SBF2: variants seen among roughly 807,000 people sequenced by gnomAD.
SBF2 encodes myotubularin-related protein 13.
Under a neutral mutation model 225.2 loss-of-function variants are expected in SBF2, and 112 were observed. The ratio of observed to expected loss-of-function variants is 0.50; its 90% CI spans 0.43 to 0.58. The LOEUF is 0.58. Ranked by LOEUF, SBF2 falls within the 20% of genes least tolerant of loss-of-function variation. The probability of loss-of-function intolerance (pLI) is 0.00; values close to 1 mark genes in which losing one functional copy is unlikely to be tolerated. For missense variants in SBF2, 1,996 were observed against 2,206.2 expected (o/e 0.90, Z 1.91); for synonymous variants, 763 against 773.3 (o/e 0.99, Z 0.22).
At chr11:9,939,775 T>C (rs1399556764) in intron 16 of SBF2, among the ~76,000 whole-genome samples, 1 of 152,122 alleles carries the variant, frequency 6.6e-6, no homozygotes, top group Admixed American at 6.5e-5. Context: ...AAGACGTATA[T>C]ACAAGGATGT....
intron 26 of SBF2, among the ~76,000 whole-genome samples, chr11:9,834,375 CTTT>C (rs1855608933): frequency 6.6e-6 from 1 of 152,086 alleles, no homozygotes; most frequent in African/African-American, 2.4e-5. Context: ...TCATGCTATC[CTTT>C]TTTATGTGTA....
At chr11:9,867,277 T>C (rs1240771621) in intron 17 of SBF2, among the ~76,000 whole-genome samples, 1 of 151,940 alleles carries the variant, frequency 6.6e-6, no homozygotes, top group Non-Finnish European at 1.5e-5. Context: ...CCACAAAAAT[T>C]ACAAATTAAA....
upstream of SBF2, among the ~76,000 whole-genome samples, chr11:10,299,134 C>T (rs530022754): frequency 5.0e-4 from 76 of 152,012 alleles, no homozygotes; most frequent in African/African-American, 1.7e-3. Flanking sequence ...GTCAGCAGAT[C>T]GAGATCATCC....
chr11:9,807,892 CAG>C, intron 32 of SBF2, 106 bp downstream of exon 32: 1 of 992,416 alleles, frequency 1.0e-6, no homozygotes, highest in South Asian at 1.4e-5. Flanking sequence ...CTGAGTTAAT[CAG>C]AGTTATGACA....
At chr11:10,284,476 TCTTC>T (rs2135568100) in intron 1 of SBF2, among the ~76,000 whole-genome samples, 1 of 152,340 alleles carries the variant, frequency 6.6e-6, no homozygotes, top group East Asian at 1.9e-4. Context: ...ATTCCATGTA[TCTTC>T]CTTAACTACC....
At chr11:10,071,814 G>A (rs1295832234) in intron 2 of SBF2, among the ~76,000 whole-genome samples, 2 of 152,190 alleles carry the variant, frequency 1.3e-5, no homozygotes, top group Non-Finnish European at 2.9e-5. Context: ...ATTTGCATAT[G>A]TTGAACCAGC....
chr11:10,288,155 C>T (rs762268690), intron 1 of SBF2, among the ~76,000 whole-genome samples: 8 of 152,198 alleles, frequency 5.3e-5, no homozygotes, highest in Non-Finnish European at 1.2e-4. Flanking sequence ...AGAAGGGCCA[C>T]AGCTCTTATC....
chr11:9,976,365 C>T (rs1052144230), intron 13 of SBF2, among the ~76,000 whole-genome samples: 1 of 152,130 alleles, frequency 6.6e-6, no homozygotes, highest in Non-Finnish European at 1.5e-5. Context: ...AGCCACTGCG[C>T]CTGGCCCAGA....
rs371273685 is a variant in SBF2, at chr11:9,959,163, T to C, written c.1860+2794A>G. On this transcript the variant is annotated intron_variant, in intron 16 of 39. Coordinates refer to ENST00000256190, the MANE Select transcript of SBF2 (RefSeq NM_030962.4). Reference sequence around the variant, plus strand: ...TGAAACAGGTCACCCAGAGATGATCTTCCATGCTGATTCCTTCACAGGGTC... The same window carrying C: ...TGAAACAGGTCACCCAGAGATGATCCTCCATGCTGATTCCTTCACAGGGTC... 3.2e-4 allele frequency: 267 copies of C among 843,784 alleles called. 4 individuals carry two copies. In the South Asian group the frequency reaches 3.6e-3, roughly 11 times the overall value. 52.3% of individuals were successfully genotyped at this position (843,784 alleles called of 1,614,324 possible).
intron 1 of SBF2, among the ~76,000 whole-genome samples, chr11:10,257,443 A>C (rs1198499086): frequency 2.0e-5 from 3 of 152,040 alleles, no homozygotes; most frequent in Non-Finnish European, 4.4e-5. Context: ...AAGTGGGAGG[A>C]CCACTTGAGC....
In SBF2 at chr11:9,784,414, T is replaced by C; in HGVS notation, c.5256A>G (p.Lys1752=). ...ENRSFEGTLY[K]RGALLKGWKP... ...TCCAACCTTTCAGCAAAGCCCCTCT[T>C]TTATAAAGTGTTCCCTCAAAGGACC... is the stretch of plus-strand genomic sequence containing the variant. Residue 1752 remains lysine, a synonymous_variant, in exon 38 of 40, where the codon AAA becomes AAG. Coordinates refer to ENST00000256190, the MANE Select transcript of SBF2 (RefSeq NM_030962.4). 1.9e-6 allele frequency: 3 copies of C among 1,614,022 alleles called. No homozygotes were observed. Among genetic ancestry groups the C allele is most frequent in the Non-Finnish European group, 2.5e-6 (3 of 1,179,866 alleles).
intron 12 of SBF2, among the ~76,000 whole-genome samples, chr11:9,992,007 C>T (rs1212973922): frequency 6.6e-6 from 1 of 152,054 alleles, no homozygotes; most frequent in Non-Finnish European, 1.5e-5. Flanking sequence ...TTTATACAAT[C>T]ACTATTAAAT....
Position 10,219,393 on chromosome 11 carries a change from G to A in SBF2, c.56-25406C>T, listed in dbSNP as rs532834299. Among the ~76,000 whole-genome samples the A allele has an allele frequency of 1.2e-4, 18 of 152,274 alleles. No homozygotes were observed. In the South Asian group the frequency reaches 2.1e-3, roughly 18 times the overall value. ...TCCCTAGACTGCACACAGCAGGGGG[G>A]CCCTGGGCCTGGCCCAGGAAACCAT... is the stretch of plus-strand genomic sequence containing the variant. On this transcript the variant is annotated intron_variant, in intron 1 of 39. Transcript: ENST00000256190.
At chr11:10,225,060 CT>C (rs1565372876) in intron 1 of SBF2, among the ~76,000 whole-genome samples, 4 of 152,132 alleles carry the variant, frequency 2.6e-5, no homozygotes, top group Non-Finnish European at 5.9e-5. Flanking sequence ...TATGAGGAGA[CT>C]AATTTAACAA....
intron 2 of SBF2, among the ~76,000 whole-genome samples, chr11:10,066,524 T>C (rs774253362): frequency 2.0e-5 from 3 of 152,046 alleles, no homozygotes; most frequent in Non-Finnish European, 2.9e-5. Context: ...AAAAATGATA[T>C]GATCATTTCA....
At chr11:9,847,880 G>GATTTAAA (rs1856665132) in intron 22 of SBF2, among the ~76,000 whole-genome samples, 2 of 152,190 alleles carry the variant, frequency 1.3e-5, no homozygotes, top group Non-Finnish European at 2.9e-5. Flanking sequence ...TGAGGGAACA[G>GATTTAAA]TCTACAGGGA....
intron 6 of SBF2, among the ~76,000 whole-genome samples, chr11:10,013,384 T>C (rs1590754981): frequency 6.6e-6 from 1 of 152,176 alleles, no homozygotes; most frequent in African/African-American, 2.4e-5. Flanking sequence ...AGCTGGGATG[T>C]AGGGGAGAGG....
At chr11:9,864,897 T>C (rs945712289) in intron 17 of SBF2, among the ~76,000 whole-genome samples, 1 of 151,928 alleles carries the variant, frequency 6.6e-6, no homozygotes, top group Non-Finnish European at 1.5e-5. Flanking sequence ...ATCCTCCCCA[T>C]TTTTGGCCAG....
intron 1 of SBF2, among the ~76,000 whole-genome samples, chr11:10,284,342 G>A (rs1963603347): frequency 6.6e-6 from 1 of 152,098 alleles, no homozygotes; most frequent in East Asian, 1.9e-4. Context: ...CCACCACCCA[G>A]TCAAAATATA....
Sources: allele counts gnomAD v4.1 joint callset (sites outside exome capture counted in the v4.1 genomes callset), GRCh38; gene constraint gnomAD v4.1.1; transcripts MANE v1.5; gene names NCBI Gene and HGNC (gene_info 2026-07-23, HGNC 2026-07-21).